The following TTK variants were observed in gnomAD, a reference collection of about 807,000 sequenced individuals.
TTK encodes the protein TTK protein kinase, also known as dual specificity protein kinase TTK.
Under a neutral mutation model 117.3 loss-of-function variants are expected in TTK, and 59 were observed. The observed-to-expected ratio is 0.50, with a 90% CI of 0.41 to 0.62. The LOEUF (loss-of-function observed/expected upper bound fraction) is 0.62. Ranked by LOEUF, TTK falls within the 20% of genes least tolerant of loss-of-function variation. TTK has a pLI of 0.00. For synonymous variants in TTK, 302 were observed against 325.0 expected, an observed-to-expected ratio of 0.93 and a Z score of 0.76; for missense variants, 921 against 989.4, an observed-to-expected ratio of 0.93 and a Z score of 0.93.
At chr6:80,040,345 A>G in intron 20 of TTK, 65 bp downstream of exon 20, 1 of 1,330,400 alleles carries the variant, frequency 7.5e-7, no homozygotes, top group Non-Finnish European at 1.0e-6. Flanking sequence ...TTACCTATTA[A>G]TATAACAAAG....
intron 10 of TTK, among the ~76,000 whole-genome samples, chr6:80,016,479 A>C (rs566422141): frequency 9.9e-5 from 15 of 152,172 alleles, no homozygotes; most frequent in African/African-American, 3.6e-4. Flanking sequence ...ACATCATTTC[A>C]TATATTTATT....
chr6:80,025,574 A>G (rs142992451), intron 11 of TTK, among the ~76,000 whole-genome samples: 50 of 152,352 alleles, frequency 3.3e-4, no homozygotes, highest in African/African-American at 1.2e-3. Flanking sequence ...GAGATGTGCT[A>G]CAGCAGGGGT....
chr6:80,036,941 T>C lies in TTK; in HGVS notation c.2049+342T>C, dbSNP rs377538501. Among the ~76,000 whole-genome samples, 65 of 152,270 alleles carry C rather than the reference T, an allele frequency of 4.3e-4. 1 individual carries two copies. The highest frequency in any genetic ancestry group is 1.4e-3 in the African/African-American group (59 of 41,576). ...TAGCAAAGAGGGAGTTGCAGTTATA[T>C]GTTTTTCACTGTCTATGAGGTAAGA... On this transcript the variant is annotated intron_variant, in intron 17 of 21. Coordinates refer to ENST00000369798, the MANE Select transcript of TTK (RefSeq NM_003318.5).
Position 80,032,189 on chromosome 6 carries a change from T to G in TTK, c.1614+630T>G, listed in dbSNP as rs542928802. On this transcript the variant is annotated intron_variant, in intron 14 of 21. Coordinates refer to ENST00000369798, the MANE Select transcript of TTK (RefSeq NM_003318.5). ...ACTGTAATCAAGAACACTAATGACC[T>G]CCATTTTTTTGCCAAATCTAATTCT... Among the ~76,000 whole-genome samples, 85 of 152,292 alleles carry G rather than the reference T, an allele frequency of 5.6e-4. 2 individuals are homozygous for G. The highest frequency in any genetic ancestry group is 3.5e-3 in the South Asian group (17 of 4,826).
chr6:80,007,990 G>GACAC lies in TTK; in HGVS notation c.322_323insCACA (p.Ser108ThrfsTer5). ...CCCCAGATAAATATGGCCAAAATGA[G>GACAC]AGTTTTGCTAGAATTCAAGTGAGAT... On this transcript the variant is annotated frameshift_variant, in exon 3 of 22. Transcript: ENST00000369798. LOFTEE classifies it high-confidence loss of function. 3.1e-6 allele frequency: 5 copies of GACAC among 1,610,404 alleles called. No homozygotes were observed. Among genetic ancestry groups the GACAC allele is most frequent in the Non-Finnish European group, 4.2e-6 (5 of 1,176,876 alleles).
At chr6:80,006,736 A>G (rs1166795777) in intron 2 of TTK, among the ~76,000 whole-genome samples, 1 of 152,154 alleles carries the variant, frequency 6.6e-6, no homozygotes, top group Non-Finnish European at 1.5e-5. Context: ...ACAGATGGCA[A>G]TGTGTGTTTT....
In TTK at chr6:80,036,570, G is replaced by C; in HGVS notation, c.2020G>C (p.Asp674His). ...DFGIANQMQP[D>H]TTSVVKDSQV... ...TGGGATTGCAAACCAAATGCAACCA[G>C]ATACAACAAGTGTTGTTAAAGATTC... The change falls in exon 17 of 22, where the codon GAT becomes CAT. Residue 674 changes from aspartate to histidine, a missense_variant. Asp to His is a moderately conservative substitution (Grantham distance 81). Transcript: ENST00000369798. 6.2e-7 allele frequency: 1 copy of C among 1,611,038 alleles called. No individual in the cohort carries two copies. Among genetic ancestry groups the C allele is most frequent in the Non-Finnish European group, 8.5e-7 (1 of 1,178,568 alleles).
rs977971963 is a variant in TTK at position 80,042,295 on chromosome 6, C to G, written c.*93C>G. 3.9e-6 allele frequency: 4 copies of G among 1,033,640 alleles called. No individual in the cohort carries two copies. The highest frequency in any genetic ancestry group is 4.1e-6 in the Non-Finnish European group (3 of 724,862). The allele number at this position is 1,033,640 out of a possible 1,614,324, so 64.0% of individuals were successfully genotyped here. A position where few individuals can be genotyped will look rare whatever the true frequency, so the allele number is the denominator to read the frequency against. On this transcript the variant is annotated 3_prime_UTR_variant, in exon 22 of 22. Coordinates refer to ENST00000369798, the MANE Select transcript of TTK (RefSeq NM_003318.5). ...TGTGGAAATCTACATTTGAAGACAACATCACTCTGAAGTGTTATCAGCAAA... is the reference window on the plus strand; with the variant it reads ...TGTGGAAATCTACATTTGAAGACAAGATCACTCTGAAGTGTTATCAGCAAA...
At chr6:80,015,917 TC>T (rs1326696391) in intron 10 of TTK, among the ~76,000 whole-genome samples, 1 of 152,050 alleles carries the variant, frequency 6.6e-6, no homozygotes. Context: ...CTCAATAACC[TC>T]CTTGATCCTC....
At chr6:80,037,432 T>C (rs1044285994) in intron 17 of TTK, 1 of 152,446 alleles carries the variant, frequency 6.6e-6, no homozygotes, top group East Asian at 1.9e-4. Context: ...ATTGTAAGGT[T>C]GGCATATCCT....
At chr6:80,011,154 C>T (rs761514590) in intron 5 of TTK, among the ~76,000 whole-genome samples, 197 bp downstream of exon 5, 5 of 150,998 alleles carry the variant, frequency 3.3e-5, no homozygotes, top group Non-Finnish European at 4.4e-5. Flanking sequence ...ACTAAACTTT[C>T]GTTAACACAT....
In TTK at chr6:80,007,879, C is replaced by G. The variant is rs370266652; in HGVS notation, c.210C>G (p.Leu70=). Residue 70 remains leucine (L), a synonymous_variant, in exon 3 of 22, where the codon CTC becomes CTG. Coordinates refer to ENST00000369798, the MANE Select transcript of TTK (RefSeq NM_003318.5). ...NNPEDWLSLL[L]KLEKNSVPLS... ...CAGAGGACTGGTTGAGTTTGTTGCT[C>G]AAACTAGAGAAAAACAGTGTTCCGC... is the stretch of plus-strand genomic sequence containing the variant. 36 of 1,613,200 alleles carry G rather than the reference C, an allele frequency of 2.2e-5. No individual in the cohort carries two copies. The highest frequency in any genetic ancestry group is 2.8e-5 in the Non-Finnish European group (33 of 1,179,560).
chr6:80,033,444 T>A (rs1767810168), intron 14 of TTK, among the ~76,000 whole-genome samples: 1 of 152,168 alleles, frequency 6.6e-6, no homozygotes, highest in Non-Finnish European at 1.5e-5. Context: ...AATTTACTTA[T>A]TTGGTTTGTT....
chr6:80,040,121 C>A, intron 19 of TTK, 75 bp from the exon 20 acceptor site: 2 of 1,177,016 alleles, frequency 1.7e-6, no homozygotes, highest in South Asian at 2.0e-5. Flanking sequence ...ATAATGTAAT[C>A]TGGAAAAATA....
intron 4 of TTK, 126 bp from the exon 5 acceptor site, chr6:80,010,688 G>T: frequency 1.1e-6 from 1 of 942,780 alleles, no homozygotes; most frequent in Non-Finnish European, 1.5e-6. Flanking sequence ...CATGAGCCTT[G>T]GAATAAATAT....
intron 14 of TTK, among the ~76,000 whole-genome samples, chr6:80,032,070 G>A (rs1373601448): frequency 6.6e-6 from 1 of 152,008 alleles, no homozygotes; most frequent in Non-Finnish European, 1.5e-5. Context: ...CTGGATAGAA[G>A]GCATCTTAAG....
In TTK at chr6:80,039,757, A is replaced by G. The variant is rs1056924665; in HGVS notation, c.2192A>G (p.Lys731Arg). Residue 731 changes from lysine (K) to arginine (R), a missense_variant, in exon 19 of 22, where the codon AAA (lysine) becomes AGA (arginine). Lys to Arg is a conservative substitution (Grantham distance 26, BLOSUM62 2). Transcript: ENST00000369798. ...ATTTTGTACTATATGACTTACGGGA[A>G]AACACCATTTCAGCAGATAATTAAT... ...GCILYYMTYGKTPFQQIINQI... is the reference protein window; with the variant it reads ...GCILYYMTYGRTPFQQIINQI... 4 of 1,592,280 alleles carry G rather than the reference A, an allele frequency of 2.5e-6. No homozygotes were observed. The Admixed American group carries it at 7.0e-5, about 28-fold the overall frequency.
intron 4 of TTK, among the ~76,000 whole-genome samples, chr6:80,009,207 C>T (rs1364490151): frequency 6.6e-6 from 1 of 152,070 alleles, no homozygotes; most frequent in Non-Finnish European, 1.5e-5. Flanking sequence ...TCTGCTACAA[C>T]TGTGATCCAA....
At chr6:80,039,156 A>G (rs574977878) in intron 18 of TTK, among the ~76,000 whole-genome samples, 172 of 152,210 alleles carry the variant, frequency 1.1e-3, no homozygotes, top group Non-Finnish European at 1.9e-3. Flanking sequence ...AGAATTGCTA[A>G]CTGAATTAGT....
Sources: gnomAD v4.1 joint callset for allele counts (sites outside exome capture counted in the v4.1 genomes callset) on GRCh38, gnomAD v4.1.1 for gene constraint, MANE v1.5 for transcripts, NCBI Gene and HGNC (gene_info 2026-07-23, HGNC 2026-07-21) for gene names.